The following ALK variants were observed in gnomAD, a reference collection of about 807,000 sequenced individuals.
ALK encodes ALK tyrosine kinase receptor.
Under a neutral mutation model 163.1 loss-of-function variants are expected in ALK, and 74 were observed. That is an observed-to-expected ratio of 0.45 (90% confidence interval 0.38 to 0.55). The LOEUF is 0.55. ALK is among the 20% of genes least tolerant of loss of function. ALK has a pLI of 0.00. For missense variants in ALK, 2,063 were observed against 2,105.3 expected, an observed-to-expected ratio of 0.98 and a Z score of 0.39; for synonymous variants, 960 against 843.2, an observed-to-expected ratio of 1.14 and a Z score of -2.40.
At position 29,264,446 on chromosome 2, in the gene ALK, C is replaced by T. The variant is rs75253138; in HGVS notation, c.2041+10653G>A. Among the ~76,000 whole-genome samples, 5 of 152,220 alleles carry T rather than the reference C, an allele frequency of 3.3e-5. No homozygotes were observed. The East Asian group carries it at 5.8e-4, about 18-fold the overall frequency. Reference sequence around the variant, plus strand: ...GCCACCACCACCCCTGTCCCCTTGACCTGCTTTACTATTTTCACGGCATAT... The same window carrying T: ...GCCACCACCACCCCTGTCCCCTTGATCTGCTTTACTATTTTCACGGCATAT... On this transcript the variant is annotated intron_variant, in intron 11 of 28. Transcript: ENST00000389048.
chr2:29,444,398 T>C (rs4541213), intron 4 of ALK, among the ~76,000 whole-genome samples: 125,839 of 152,074 alleles, frequency 0.83, 53,241 homozygotes, highest in Non-Finnish European at 0.93. Flanking sequence ...TCATGAAATG[T>C]TGGGAGCTAG....
rs2148171042 is a variant in ALK at position 29,223,471 on chromosome 2, T to C, written c.3230A>G (p.Glu1077Gly). The C allele has an allele frequency of 6.2e-7, 1 of 1,614,192 alleles. No homozygotes were observed. Among genetic ancestry groups the C allele is most frequent in the Non-Finnish European group, 8.5e-7 (1 of 1,180,042 alleles). The change falls in exon 20 of 29, where the codon GAG becomes GGG. Residue 1077 changes from glutamate to glycine, a missense_variant. This residue lies in a region of ALK where 575 missense variants were observed against 626.6 expected (regional missense o/e 0.92). Transcript: ENST00000389048. ...QAMQMELQSP[E>G]YKLSKLRTST... ...GGTGCGGAGCTTGCTCAGCTTGTAC[T>C]CAGGGCTCTGCAGCTCCATCTGCAT...
intron 1 of ALK, among the ~76,000 whole-genome samples, chr2:29,909,480 CAGAGAG>C (rs369360033): frequency 0.042 from 5,678 of 135,940 alleles, 173 homozygotes; most frequent in Admixed American, 0.1. Flanking sequence ...GACAGACAGA[CAGAGAG>C]AGAGAGAGAG....
At chr2:29,597,519 T>G (rs1413926192) in intron 3 of ALK, among the ~76,000 whole-genome samples, 1 of 152,166 alleles carries the variant, frequency 6.6e-6, no homozygotes, top group African/African-American at 2.4e-5. Flanking sequence ...AATCAAATAT[T>G]AATAAATGTA....
intron 4 of ALK, among the ~76,000 whole-genome samples, chr2:29,476,339 T>C (rs897792479): frequency 2.6e-5 from 4 of 152,128 alleles, no homozygotes; most frequent in African/African-American, 9.7e-5. Context: ...TACAGTACAG[T>C]AGGGACATAA....
rs147654055 is a variant in ALK, at chr2:29,916,972, C to T, written c.667+3021G>A. Among the ~76,000 whole-genome samples, 998 of 152,260 alleles carry T rather than the reference C, an allele frequency of 6.6e-3. 5 individuals are homozygous for T. Among genetic ancestry groups the T allele is most frequent in the African/African-American group, 0.022 (899 of 41,546 alleles). The stretch of plus-strand genomic sequence containing the variant: ...GGGATCTGCCTCAGACTTGAAATGC[C>T]GATCCTATTTCTGAATTCACAGTAA... On this transcript the variant is annotated intron_variant, in intron 1 of 28. Coordinates refer to ENST00000389048, the MANE Select transcript of ALK (RefSeq NM_004304.5).
chr2:29,817,294 G>A (rs367904117), intron 1 of ALK, among the ~76,000 whole-genome samples: 1 of 152,300 alleles, frequency 6.6e-6, no homozygotes, highest in East Asian at 1.9e-4. Flanking sequence ...TGTGACAACT[G>A]GATAGGTCAG....
chr2:29,838,803 TG>T (rs1665630112), intron 1 of ALK, among the ~76,000 whole-genome samples: 1 of 152,286 alleles, frequency 6.6e-6, no homozygotes, highest in South Asian at 2.1e-4. Flanking sequence ...CTTTCTGTGA[TG>T]ATAGAAATAT....
chr2:29,386,992 T>G (rs777226456), intron 4 of ALK, among the ~76,000 whole-genome samples: 13 of 152,250 alleles, frequency 8.5e-5, no homozygotes, highest in Non-Finnish European at 1.5e-4. Context: ...GTGGCAATTC[T>G]ACTTAGGCTT....
At chr2:29,515,118 T>C (rs1672626593) in intron 4 of ALK, among the ~76,000 whole-genome samples, 1 of 152,172 alleles carries the variant, frequency 6.6e-6, no homozygotes, top group South Asian at 2.1e-4. Context: ...AGGTCCTTCA[T>C]ATGCTGTTCC....
At chr2:29,201,820 G>A (rs956678609) in intron 26 of ALK, among the ~76,000 whole-genome samples, 1 of 150,908 alleles carries the variant, frequency 6.6e-6, no homozygotes, top group Admixed American at 6.6e-5. Flanking sequence ...ACTACTTTGC[G>A]CTACCTCCAC....
At chr2:29,591,539 A>T (rs1237380808) in intron 3 of ALK, among the ~76,000 whole-genome samples, 1 of 152,150 alleles carries the variant, frequency 6.6e-6, no homozygotes, top group African/African-American at 2.4e-5. Context: ...AGAATATAAA[A>T]CGTCAGAGGA....
chr2:29,630,619 G>A (rs1676340815), intron 3 of ALK, among the ~76,000 whole-genome samples: 3 of 151,952 alleles, frequency 2.0e-5, no homozygotes, highest in African/African-American at 7.3e-5. Context: ...TTGTTCTTAA[G>A]GGTATCACTA....
chr2:29,792,922 T>G (rs1664223008), intron 1 of ALK, among the ~76,000 whole-genome samples: 1 of 152,184 alleles, frequency 6.6e-6, no homozygotes. Context: ...ATGGTTGGGG[T>G]GTCTGTGGCA....
intron 9 of ALK, among the ~76,000 whole-genome samples, chr2:29,281,780 T>A (rs187396240): frequency 1.3e-5 from 2 of 152,196 alleles, no homozygotes; most frequent in African/African-American, 4.8e-5. Context: ...AGCTTCAGAA[T>A]TGGGCGCCTC....
In ALK at chr2:29,684,669, G is replaced by A. The variant is rs891649645; in HGVS notation, c.952+10181C>T. Among the ~76,000 whole-genome samples the A allele has an allele frequency of 1.2e-4, 18 of 152,280 alleles. 1 individual carries two copies. The highest frequency in any genetic ancestry group is 1.0e-3 in the South Asian group (5 of 4,820). On this transcript the variant is annotated intron_variant, in intron 3 of 28. Coordinates refer to ENST00000389048, the MANE Select transcript of ALK (RefSeq NM_004304.5). ...ATTTGGTTGTGTCATAGGACAAAGC[G>A]GACACCCCAGTATCACTGGTATCTG...
intron 2 of ALK, among the ~76,000 whole-genome samples, chr2:29,707,023 GTGTGTGTT>G (rs1678930862): frequency 6.7e-6 from 1 of 148,628 alleles, no homozygotes; most frequent in African/African-American, 2.5e-5. Flanking sequence ...GTGTGTGTGT[GTGTGTGTT>G]GGGTAAGGAA....
At chr2:29,742,150 G>C (rs1367564228) in intron 1 of ALK, among the ~76,000 whole-genome samples, 3 of 152,258 alleles carry the variant, frequency 2.0e-5, no homozygotes, top group Non-Finnish European at 4.4e-5. Context: ...CGAGTGAACA[G>C]GGCAGGGAGG....
chr2:29,607,422 T>C (rs1192924416), intron 3 of ALK, among the ~76,000 whole-genome samples: 2 of 152,230 alleles, frequency 1.3e-5, no homozygotes, highest in African/African-American at 4.8e-5. Flanking sequence ...TGCTGACATT[T>C]GCAATAGAAC....
Sources: allele counts gnomAD v4.1 joint callset (sites outside exome capture counted in the v4.1 genomes callset), GRCh38; gene constraint gnomAD v4.1.1; regional missense constraint gnomAD v4.1.1; transcripts MANE v1.5; gene names NCBI Gene and HGNC (gene_info 2026-07-23, HGNC 2026-07-21).